Variants in CHST9 observed in about 807,000 individuals in gnomAD.
CHST9 encodes the protein GalNAc-4-sulfotransferase 2.
A neutral mutation model predicts 44.4 loss-of-function variants in CHST9; 41 were observed. That is an observed-to-expected ratio of 0.92 (90% CI 0.72 to 1.20). The LOEUF (loss-of-function observed/expected upper bound fraction) is 1.20. Among genes scored for constraint, CHST9 ranks in the 50% most tolerant of loss-of-function variants. CHST9 has a pLI of 0.00. For missense variants in CHST9, 504 were observed against 516.5 expected, an observed-to-expected ratio of 0.98 and a Z score of 0.23; for synonymous variants, 171 against 178.4, an observed-to-expected ratio of 0.96 and a Z score of 0.33.
chr18:27,089,192 C>T (rs1472675640), intron 2 of CHST9, among the ~76,000 whole-genome samples: 1 of 151,900 alleles, frequency 6.6e-6, no homozygotes, highest in Non-Finnish European at 1.5e-5. Context: ...GCACAACGTG[C>T]AGGTTTGATA....
chr18:27,157,321 T>C (rs2058705445), intron 1 of CHST9, among the ~76,000 whole-genome samples: 1 of 152,286 alleles, frequency 6.6e-6, no homozygotes, highest in East Asian at 1.9e-4. Context: ...TAAAACTCTA[T>C]AAAACACTAG....
At chr18:27,166,111 T>C (rs1405294511) in intron 1 of CHST9, among the ~76,000 whole-genome samples, 1 of 152,162 alleles carries the variant, frequency 6.6e-6, no homozygotes, top group Non-Finnish European at 1.5e-5. Context: ...CCCTTCTTTC[T>C]CTTCTCTGCT....
At chr18:26,964,624 G>A (rs1286391350) in intron 4 of CHST9, among the ~76,000 whole-genome samples, 2 of 152,196 alleles carry the variant, frequency 1.3e-5, no homozygotes, top group Non-Finnish European at 2.9e-5. Flanking sequence ...GTCAGGGCCT[G>A]GGCCAGCCCA....
At chr18:27,155,655 A>C (rs1465899745) in intron 1 of CHST9, among the ~76,000 whole-genome samples, 1 of 152,102 alleles carries the variant, frequency 6.6e-6, no homozygotes, top group Non-Finnish European at 1.5e-5. Context: ...AATCTTTTTT[A>C]CTCCAGGATA....
At chr18:27,026,648 AGACT>A (rs2057288425) in intron 3 of CHST9, among the ~76,000 whole-genome samples, 1 of 152,184 alleles carries the variant, frequency 6.6e-6, no homozygotes, top group African/African-American at 2.4e-5. Flanking sequence ...CAATCAATAT[AGACT>A]GACTGACTAG....
chr18:27,159,215 T>C (rs1016705663), intron 1 of CHST9, among the ~76,000 whole-genome samples: 1 of 152,218 alleles, frequency 6.6e-6, no homozygotes, highest in Non-Finnish European at 1.5e-5. Context: ...TTGCCTAGGT[T>C]TTCTTCTAGG....
At chr18:27,091,642 G>A (rs2058069998) in intron 2 of CHST9, among the ~76,000 whole-genome samples, 1 of 152,150 alleles carries the variant, frequency 6.6e-6, no homozygotes, top group African/African-American at 2.4e-5. Flanking sequence ...TTTATTGAGA[G>A]TTTTTAGCAT....
chr18:26,965,495 T>C (rs1353524417), intron 4 of CHST9, among the ~76,000 whole-genome samples: 12 of 152,232 alleles, frequency 7.9e-5, no homozygotes, highest in Admixed American at 4.6e-4. Context: ...TGACCTGGCC[T>C]GTAGCATGGG....
chr18:27,139,448 TTTAAAAATGCC>T (rs1013577935), intron 2 of CHST9, among the ~76,000 whole-genome samples: 1 of 151,240 alleles, frequency 6.6e-6, no homozygotes, highest in African/African-American at 2.4e-5. Context: ...AGAGATTGCC[TTTAAAAATGCC>T]TAATGCTCCT....
At chr18:26,976,212 GA>G (rs1225802850) in intron 4 of CHST9, among the ~76,000 whole-genome samples, 1 of 152,020 alleles carries the variant, frequency 6.6e-6, no homozygotes, top group African/African-American at 2.4e-5. Flanking sequence ...AATCATTCCA[GA>G]ACCTTCTTTG....
chr18:27,099,721 A>G (rs2058152474), intron 2 of CHST9, among the ~76,000 whole-genome samples: 1 of 152,016 alleles, frequency 6.6e-6, no homozygotes, highest in Admixed American at 6.6e-5. Flanking sequence ...AACAACAACA[A>G]CAACAGATAT....
Position 26,916,807 on chromosome 18 carries a change from C to T in CHST9, c.784G>A (p.Asp262Asn), listed in dbSNP as rs202195414. The change falls in exon 6 of 6, where the codon GAC (aspartate) becomes AAC (asparagine). Residue 262 changes from aspartate (D) to asparagine (N), a missense_variant. Transcript: ENST00000618847. ...GKHLKKLDSF[D>N]LKGIYTRLNT... Reference sequence around the variant, plus strand: ...AAGCGGGTATATATCCCTTTTAGGTCAAAGCTATCTAGCTTCTTCAAATGC... The same window carrying T: ...AAGCGGGTATATATCCCTTTTAGGTTAAAGCTATCTAGCTTCTTCAAATGC... 56 of 1,613,738 alleles carry T rather than the reference C, an allele frequency of 3.5e-5. No individual in the cohort carries two copies. Among genetic ancestry groups the T allele is most frequent in the Non-Finnish European group, 4.6e-5 (54 of 1,179,858 alleles).
At chr18:26,938,388 G>T (rs1314836065) in intron 5 of CHST9, among the ~76,000 whole-genome samples, 1 of 152,040 alleles carries the variant, frequency 6.6e-6, no homozygotes, top group Non-Finnish European at 1.5e-5. Flanking sequence ...TCGTAAATTG[G>T]ATAGCTTTTC....
intron 2 of CHST9, among the ~76,000 whole-genome samples, chr18:27,134,850 A>G (rs981903101): frequency 6.6e-6 from 1 of 152,182 alleles, no homozygotes; most frequent in South Asian, 2.1e-4. Flanking sequence ...AAGTCAGGAA[A>G]AAAAATCTAA....
intron 2 of CHST9, among the ~76,000 whole-genome samples, chr18:27,051,241 C>T (rs1369011670): frequency 6.6e-6 from 1 of 151,578 alleles, no homozygotes; most frequent in Non-Finnish European, 1.5e-5. Context: ...AATGAGACCA[C>T]CATCTCTAAA....
intron 1 of CHST9, among the ~76,000 whole-genome samples, chr18:27,146,501 A>C (rs930108197): frequency 1.3e-5 from 2 of 152,156 alleles, no homozygotes; most frequent in African/African-American, 4.8e-5. Flanking sequence ...CTATTTGGAG[A>C]TCATATATCT....
At chr18:27,069,087 T>C (rs555092543) in intron 2 of CHST9, among the ~76,000 whole-genome samples, 2 of 152,342 alleles carry the variant, frequency 1.3e-5, no homozygotes, top group East Asian at 3.9e-4. Flanking sequence ...TTAATTATTT[T>C]TCCCTTCCAG....
At chr18:27,020,690 A>G (rs2057214535) in intron 4 of CHST9, among the ~76,000 whole-genome samples, 1 of 152,210 alleles carries the variant, frequency 6.6e-6, no homozygotes, top group African/African-American at 2.4e-5. Flanking sequence ...TCTTATATTA[A>G]TTAAAATAGG....
At chr18:27,118,398 C>A (rs551701371) in intron 2 of CHST9, among the ~76,000 whole-genome samples, 32 of 94,186 alleles carry the variant, frequency 3.4e-4, no homozygotes, top group Middle Eastern at 0.012. Flanking sequence ...TTAATGAAGT[C>A]CAGCTTATCA....
Sources: allele counts gnomAD v4.1 joint callset (sites outside exome capture counted in the v4.1 genomes callset), GRCh38; gene constraint gnomAD v4.1.1; transcripts MANE v1.5; gene names NCBI Gene and HGNC (gene_info 2026-07-23, HGNC 2026-07-21).